Variants in TBC1D21 observed in about 807,000 individuals in gnomAD.
The protein encoded by TBC1D21 is TBC1 domain family member 21, also known as male germ cell Rab GTPase-activating protein.
Under a neutral mutation model 46.0 loss-of-function variants are expected in TBC1D21, and 38 were observed. That is an observed-to-expected ratio of 0.83 (90% CI 0.64 to 1.08). The LOEUF (loss-of-function observed/expected upper bound fraction) is 1.08. Among genes scored for constraint, TBC1D21 ranks in the 50% least tolerant of loss-of-function variants. TBC1D21 has a pLI of 0.00. For missense variants in TBC1D21, 415 were observed against 417.9 expected, an observed-to-expected ratio of 0.99 and a Z score of 0.06; for synonymous variants, 151 against 157.2, an observed-to-expected ratio of 0.96 and a Z score of 0.29.
At chr15:73,896,106 AAC>A in the TBC1D21 span, among the ~76,000 whole-genome samples, 42 of 118,318 alleles carry the variant, frequency 3.5e-4, no homozygotes, top group Admixed American at 2.3e-3. Context: ...TAATGGCGAC[AAC>A]AGAGGTGAAA....
chr15:73,901,344 C>T, the TBC1D21 span, among the ~76,000 whole-genome samples: 1 of 152,240 alleles, frequency 6.6e-6, no homozygotes, highest in Non-Finnish European at 1.5e-5. Flanking sequence ...GCCACCACAG[C>T]CCTGGAGCTT....
At chr15:73,888,211 T>TC (rs373085167) in intron 9 of TBC1D21, among the ~76,000 whole-genome samples, 96 of 152,326 alleles carry the variant, frequency 6.3e-4, no homozygotes, top group African/African-American at 2.1e-3. Flanking sequence ...GCCCCAGGAC[T>TC]CCTAGAGCCT....
the TBC1D21 span, among the ~76,000 whole-genome samples, chr15:73,906,604 C>T: frequency 6.6e-6 from 1 of 152,148 alleles, no homozygotes. Flanking sequence ...CTCTCTCTTC[C>T]TCTGGGAAGC....
the TBC1D21 span, among the ~76,000 whole-genome samples, chr15:73,908,932 G>A: frequency 1.3e-5 from 2 of 152,224 alleles, no homozygotes; most frequent in African/African-American, 4.8e-5. Flanking sequence ...TGGCAAACAT[G>A]GACTTGGGAA....
downstream of TBC1D21, among the ~76,000 whole-genome samples, chr15:73,891,274 A>G (rs147448169): frequency 4.1e-4 from 62 of 152,358 alleles, no homozygotes; most frequent in East Asian, 9.4e-3. Flanking sequence ...ATAGAACTAC[A>G]GGAAGCATTG....
chr15:73,908,079 TTAA>T, the TBC1D21 span: 3 of 152,244 alleles, frequency 2.0e-5, no homozygotes, highest in African/African-American at 7.2e-5. Context: ...ATATTCTACA[TTAA>T]TTTTTATTTC....
chr15:73,888,389 G>T (rs1009884250), intron 9 of TBC1D21, 41 bp from the exon 10 acceptor site: 1 of 1,555,256 alleles, frequency 6.4e-7, no homozygotes, highest in African/African-American at 1.4e-5. Flanking sequence ...GGAGATGTTT[G>T]CCCCAGCCCC....
the TBC1D21 span, among the ~76,000 whole-genome samples, chr15:73,908,892 T>A: frequency 6.6e-6 from 1 of 152,134 alleles, no homozygotes; most frequent in African/African-American, 2.4e-5. Flanking sequence ...GGGCCAGACC[T>A]TCAATCCTGC....
chr15:73,878,567 T>C (rs1170289106), intron 1 of TBC1D21, among the ~76,000 whole-genome samples: 3 of 152,222 alleles, frequency 2.0e-5, no homozygotes, highest in Non-Finnish European at 4.4e-5. Flanking sequence ...TGACAAAATA[T>C]ATGAATGACC....
At position 73,873,717 on chromosome 15, in the gene TBC1D21, C is replaced by T; in HGVS notation, c.8C>T (p.Thr3Ile). 2 of 1,607,210 alleles carry T rather than the reference C, an allele frequency of 1.2e-6. No homozygotes were observed. Among genetic ancestry groups the T allele is most frequent in the Non-Finnish European group, 1.7e-6 (2 of 1,176,074 alleles). The change falls in exon 1 of 11, where the codon ACC becomes ATC. Residue 3 changes from threonine (T) to isoleucine (I), a missense_variant. Thr to Ile is a moderately conservative substitution (Grantham distance 89). Coordinates refer to ENST00000300504, the MANE Select transcript of TBC1D21 (RefSeq NM_153356.3). Reference sequence around the variant, plus strand: ...CGGAAGACAGCAGGGGCCATGACCACCCTCTCTCCTGAAAACAGCCTCTCT... The same window carrying T: ...CGGAAGACAGCAGGGGCCATGACCATCCTCTCTCCTGAAAACAGCCTCTCT... MT[T>I]LSPENSLSAR... is the part of the protein sequence containing the mutation.
rs1483193648 is a variant in TBC1D21 at position 73,873,781 on chromosome 15, T to G, written c.60+12T>G. Reference sequence around the variant, plus strand: ...CCTCCTTCATCCTGGTGCGTGTTCTTTGTCAGCTCTGAGTGCCTCCCTCCC... The same window carrying G: ...CCTCCTTCATCCTGGTGCGTGTTCTGTGTCAGCTCTGAGTGCCTCCCTCCC... On this transcript the variant is annotated intron_variant, in intron 1 of 10. Transcript: ENST00000300504. 6.2e-7 allele frequency: 1 copy of G among 1,608,342 alleles called. No individual in the cohort carries two copies. The highest frequency in any genetic ancestry group is 1.7e-5 in the Admixed American group (1 of 59,726).
At chr15:73,893,731 G>A (rs556595205), downstream of TBC1D21, among the ~76,000 whole-genome samples, 63 of 152,232 alleles carry the variant, frequency 4.1e-4, no homozygotes, top group African/African-American at 1.4e-3. Flanking sequence ...CAGCAGAACC[G>A]AGTCCTGGCC....
At chr15:73,898,880 A>AAAAATAT in the TBC1D21 span, among the ~76,000 whole-genome samples, 17 of 56,794 alleles carry the variant, frequency 3.0e-4, no homozygotes, top group South Asian at 2.4e-3. Flanking sequence ...AAAAAAAAAA[A>AAAAATAT]ATATATATAT....
the TBC1D21 span, among the ~76,000 whole-genome samples, chr15:73,907,786 A>C: frequency 2.0e-5 from 3 of 152,074 alleles, no homozygotes; most frequent in Non-Finnish European, 1.5e-5. Context: ...TATAGTCTCA[A>C]TTTGTTGGGG....
chr15:73,881,785 C>A lies in TBC1D21; in HGVS notation c.272+38C>A, dbSNP rs1425345218. ...AGACCCTGCTGGGACAGGAGGGGGG[C>A]CTGCAGGTGGCAGGTGCTGCCTCCC... On this transcript the variant is annotated intron_variant, in intron 3 of 10. Transcript: ENST00000300504. The A allele has an allele frequency of 2.5e-6, 4 of 1,572,782 alleles. No individual in the cohort carries two copies. In the Admixed American group the frequency reaches 5.0e-5, roughly 20 times the overall value.
At chr15:73,890,979 G>A (rs1443797924), downstream of TBC1D21, among the ~76,000 whole-genome samples, 1 of 152,116 alleles carries the variant, frequency 6.6e-6, no homozygotes, top group African/African-American at 2.4e-5. Context: ...TTAAGGACGA[G>A]GTGGATTCAA....
the TBC1D21 span, among the ~76,000 whole-genome samples, chr15:73,896,840 T>C: frequency 6.6e-6 from 1 of 152,198 alleles, no homozygotes; most frequent in African/African-American, 2.4e-5. Flanking sequence ...AGTCCTCAGT[T>C]TCCCCCTCTG....
rs10152632 is a variant in TBC1D21, at chr15:73,885,954, C to T, written c.580-124C>T. 422 of 713,316 alleles carry T rather than the reference C, an allele frequency of 5.9e-4. 1 individual carries two copies. In the African/African-American group the frequency reaches 6.6e-3, roughly 11 times the overall value. The allele number at this position is 713,316 out of a possible 1,614,324, so 44.2% of individuals were successfully genotyped here. On this transcript the variant is annotated intron_variant, in intron 6 of 10. Transcript: ENST00000300504. ...ACACACACACTCAGACTCATAGAGA[C>T]ATGGGCCCAGCGCACAGACAGACAC...
At chr15:73,896,657 G>A in the TBC1D21 span, among the ~76,000 whole-genome samples, 1 of 152,144 alleles carries the variant, frequency 6.6e-6, no homozygotes, top group African/African-American at 2.4e-5. Context: ...TTGGGGAGAG[G>A]AAGCGTGAGG....
Sources: gnomAD v4.1 joint callset for allele counts (sites outside exome capture counted in the v4.1 genomes callset) on GRCh38, gnomAD v4.1.1 for gene constraint, MANE v1.5 for transcripts, NCBI Gene and HGNC (gene_info 2026-07-23, HGNC 2026-07-21) for gene names.